Variants in NCOA1 observed in about 807,000 individuals in gnomAD.
The protein encoded by NCOA1 is nuclear receptor coactivator 1.
Under a neutral mutation model 150.9 loss-of-function variants are expected in NCOA1, and 35 were observed. That is an observed-to-expected ratio of 0.23 (90% confidence interval 0.18 to 0.31). The LOEUF (loss-of-function observed/expected upper bound fraction) is 0.31. NCOA1 is among the 10% of genes least tolerant of loss of function. The pLI, the probability that NCOA1 is intolerant of heterozygous loss-of-function variation, is 1.00. For missense variants in NCOA1, 1,491 were observed against 1,749.3 expected, an observed-to-expected ratio of 0.85 and a Z score of 2.63; for synonymous variants, 590 against 630.0, an observed-to-expected ratio of 0.94 and a Z score of 0.95.
rs751858279 is a variant in NCOA1 at position 24,601,190 on chromosome 2, T to G, written c.-175+16630T>G. ...TTTTAATAATACCAGGAGGAAAGGA[T>G]TTAATAGATCTTTAACATCTTCTGT... On this transcript the variant is annotated intron_variant, in intron 3 of 22. Coordinates refer to ENST00000348332, the MANE Select transcript of NCOA1 (RefSeq NM_003743.5). 8.8e-4 allele frequency among the ~76,000 whole-genome samples: 133 copies of G among 151,746 alleles called. 1 individual carries two copies. The highest frequency in any genetic ancestry group is 1.8e-3 in the Non-Finnish European group (121 of 67,904).
chr2:24,701,573 ATCTT>A (rs375856123), intron 11 of NCOA1, among the ~76,000 whole-genome samples: 85 of 151,752 alleles, frequency 5.6e-4, no homozygotes, highest in African/African-American at 2.0e-3. Flanking sequence ...ACTTTTACAT[ATCTT>A]TCTATTTATC....
intron 2 of NCOA1, among the ~76,000 whole-genome samples, chr2:24,578,608 C>T (rs976992330): frequency 5.3e-5 from 8 of 151,998 alleles, no homozygotes; most frequent in African/African-American, 1.9e-4. Flanking sequence ...TAGTGAATAA[C>T]TTTTTTTATA....
At chr2:24,758,580 C>A (rs751962473) in intron 21 of NCOA1, among the ~76,000 whole-genome samples, 4 of 151,986 alleles carry the variant, frequency 2.6e-5, no homozygotes, top group Non-Finnish European at 5.9e-5. Context: ...ATCCTCCTAT[C>A]CCAGCCTCCC....
At chr2:24,509,223 T>C (rs1271596502) in intron 1 of NCOA1, among the ~76,000 whole-genome samples, 1 of 152,222 alleles carries the variant, frequency 6.6e-6, no homozygotes, top group Admixed American at 6.5e-5. Context: ...AGCCAGACAT[T>C]ATCATATTTA....
intron 1 of NCOA1, among the ~76,000 whole-genome samples, chr2:24,523,466 TGTG>T (rs1486636401): frequency 3.4e-5 from 5 of 146,458 alleles, no homozygotes; most frequent in Admixed American, 2.0e-4. Context: ...AATTGCCAGG[TGTG>T]GTGGTGGGTG....
rs369260461 is a variant in NCOA1 at position 24,729,551 on chromosome 2, G to A, written c.2937G>A (p.Thr979=). The change falls in exon 17 of 23, where the codon ACG becomes ACA. Residue 979 remains threonine (T), a synonymous_variant. Coordinates refer to ENST00000348332, the MANE Select transcript of NCOA1 (RefSeq NM_003743.5). ...AGAGATTTCCACCACAACAAGCAACGCCACCTTTGATCATGGAAGAAAGAC... is the reference window on the plus strand; with the variant it reads ...AGAGATTTCCACCACAACAAGCAACACCACCTTTGATCATGGAAGAAAGAC... The part of the protein sequence containing the change: ...LSERFPPQQA[T]PPLIMEERPN... 1.4e-5 allele frequency: 22 copies of A among 1,613,978 alleles called. No homozygotes were observed. The highest frequency in any genetic ancestry group is 1.6e-4 in the Middle Eastern group (1 of 6,084).
At chr2:24,551,363 T>C (rs1665822518) in intron 1 of NCOA1, among the ~76,000 whole-genome samples, 1 of 152,222 alleles carries the variant, frequency 6.6e-6, no homozygotes, top group Non-Finnish European at 1.5e-5. Context: ...AACAAGTCCT[T>C]CATCAGATGT....
chr2:24,666,902 A>ATCAAAC (rs1473355016), intron 6 of NCOA1, among the ~76,000 whole-genome samples: 3 of 152,140 alleles, frequency 2.0e-5, no homozygotes, highest in African/African-American at 7.2e-5. Flanking sequence ...ACCCCATACC[A>ATCAAAC]TCAAACTCCT....
In NCOA1 at chr2:24,569,583, G is replaced by A. The variant is rs1182345311; in HGVS notation, c.-260+5153G>A. 2.1e-4 allele frequency among the ~76,000 whole-genome samples: 9 copies of A among 42,952 alleles called. No homozygotes were observed. The Admixed American group carries it at 3.0e-3, about 14-fold the overall frequency. 28.2% of individuals were successfully genotyped at this position (42,952 alleles called of 152,430 possible). A position where few individuals can be genotyped will look rare whatever the true frequency, so the allele number is the denominator to read the frequency against. ...TTTTTTTTTTTTTTTTTTTTTTACT[G>A]AATTTGGGCTAGGTACGGTAGCTCA... On this transcript the variant is annotated intron_variant, in intron 2 of 22. Transcript: ENST00000348332.
intron 4 of NCOA1, among the ~76,000 whole-genome samples, chr2:24,648,005 G>C (rs1363850824): frequency 1.3e-5 from 2 of 152,158 alleles, no homozygotes; most frequent in Non-Finnish European, 2.9e-5. Context: ...TGGAATTTGA[G>C]TTTCACTTGT....
intron 1 of NCOA1, among the ~76,000 whole-genome samples, chr2:24,553,368 G>A (rs533351991): frequency 2.3e-4 from 35 of 151,904 alleles, no homozygotes; most frequent in Non-Finnish European, 4.1e-4. Flanking sequence ...ACAGGTGTGC[G>A]CCACTACACC....
chr2:24,759,856 T>C (rs1431522354), intron 21 of NCOA1, among the ~76,000 whole-genome samples: 2 of 152,030 alleles, frequency 1.3e-5, no homozygotes, highest in Admixed American at 1.3e-4. Context: ...TTGTCCCTCC[T>C]GTGCTACTGT....
intron 19 of NCOA1, among the ~76,000 whole-genome samples, chr2:24,748,148 C>G (rs1664033063): frequency 6.6e-6 from 1 of 151,834 alleles, no homozygotes; most frequent in South Asian, 2.1e-4. Context: ...CCCATATATT[C>G]TAAATCAAAA....
chr2:24,566,103 G>A (rs957492716), intron 2 of NCOA1, among the ~76,000 whole-genome samples: 3 of 152,160 alleles, frequency 2.0e-5, no homozygotes, highest in Admixed American at 6.5e-5. Context: ...GATATGTCCC[G>A]AGTTCTTGTC....
chr2:24,506,277 GTA>G (rs1420686286), intron 1 of NCOA1, among the ~76,000 whole-genome samples: 2 of 151,982 alleles, frequency 1.3e-5, no homozygotes, highest in East Asian at 3.9e-4. Context: ...TGGTTTGCTT[GTA>G]TTATGTAGTC....
intron 1 of NCOA1, among the ~76,000 whole-genome samples, chr2:24,525,318 A>C (rs977789229): frequency 6.6e-6 from 1 of 152,178 alleles, no homozygotes; most frequent in Non-Finnish European, 1.5e-5. Context: ...GAAAAGATAA[A>C]AGTGAGTCAA....
At chr2:24,571,737 G>A (rs1015011991) in intron 2 of NCOA1, among the ~76,000 whole-genome samples, 5 of 152,034 alleles carry the variant, frequency 3.3e-5, no homozygotes, top group Non-Finnish European at 7.4e-5. Context: ...TAATACATAG[G>A]GAATCCAGAG....
chr2:24,648,367 G>A (rs925159133), intron 4 of NCOA1, among the ~76,000 whole-genome samples: 5 of 151,756 alleles, frequency 3.3e-5, no homozygotes, highest in African/African-American at 1.2e-4. Context: ...TCCGCCTCCC[G>A]GGTTCAAGCA....
chr2:24,646,591 G>A (rs539126016), intron 4 of NCOA1, among the ~76,000 whole-genome samples: 1 of 152,000 alleles, frequency 6.6e-6, no homozygotes, highest in Admixed American at 6.6e-5. Flanking sequence ...AAGAGTACAG[G>A]TCAGCTATTT....
Sources: gnomAD v4.1 joint callset for allele counts (sites outside exome capture counted in the v4.1 genomes callset) on GRCh38, gnomAD v4.1.1 for gene constraint, MANE v1.5 for transcripts, NCBI Gene and HGNC (gene_info 2026-07-23, HGNC 2026-07-21) for gene names.